The following ZNF710 variants were observed in gnomAD, a reference collection of about 807,000 sequenced individuals.
The protein encoded by ZNF710 is zinc finger protein 710.
In ZNF710, 13 loss-of-function variants were observed where a neutral mutation model predicts 50.6. The ratio of observed to expected loss-of-function variants is 0.26; its 90% CI spans 0.17 to 0.41. The LOEUF is 0.41. Ranked by LOEUF, ZNF710 falls within the 10% of genes least tolerant of loss-of-function variation. The pLI, the probability that ZNF710 is intolerant of heterozygous loss-of-function variation, is 1.00. For synonymous variants in ZNF710, 383 were observed against 397.0 expected (o/e 0.96, Z 0.42); for missense variants, 721 against 936.6 (o/e 0.77, Z 3.01).
At chr15:90,074,566 T>C (rs1242596070) in intron 4 of ZNF710, 11 of 1,351,906 alleles carry the variant, frequency 8.1e-6, no homozygotes, top group South Asian at 5.1e-5. Context: ...CAGGCCTTTA[T>C]TAACTCATGT....
Position 90,059,410 on chromosome 15 carries a change from C to T in ZNF710, c.-28-7700C>T, listed in dbSNP as rs567346345. On this transcript the variant is annotated intron_variant, in intron 1 of 4. Transcript: ENST00000268154. This position sits in a 1 kb window ranked among gnomAD's most constrained non-coding sequence, Gnocchi z 4.1. ...GCTCCCCCACCGTCTCACTGTGTGA[C>T]CTTGGACCATTCCCTTCCCCTCCCT... Among the ~76,000 whole-genome samples, 2 of 152,370 alleles carry T rather than the reference C, an allele frequency of 1.3e-5. No homozygotes were observed. The highest frequency in any genetic ancestry group is 4.1e-4 in the South Asian group (2 of 4,832).
At chr15:90,013,862 G>T (rs911697775) in intron 1 of ZNF710, among the ~76,000 whole-genome samples, 1 of 151,992 alleles carries the variant, frequency 6.6e-6, no homozygotes, top group Admixed American at 6.6e-5. Flanking sequence ...CATTCACAGC[G>T]TTCACAGGCC....
At chr15:90,066,667 A>C (rs1900179757) in intron 1 of ZNF710, among the ~76,000 whole-genome samples, 1 of 151,682 alleles carries the variant, frequency 6.6e-6, no homozygotes, top group Admixed American at 6.6e-5. Context: ...TAGAGACAGG[A>C]TTTCACCATG....
In ZNF710 at chr15:90,067,435, C is replaced by T. The variant is rs763535727; in HGVS notation, c.298C>T (p.Arg100Trp). ...TGAGAAGCACACCCGGCGGAAGACG[C>T]GGCCACCTGTGCGGTTGGTGCCCAA... ...ACEKHTRRKT[R>W]PPVRLVPKVK... is the part of the protein sequence containing the mutation. Residue 100 changes from arginine (R) to tryptophan (W), a missense_variant, in exon 2 of 5, where the codon CGG becomes TGG. Transcript: ENST00000268154. The surrounding 1 kb of genome is among the most constrained non-coding windows in gnomAD (Gnocchi z 8.1). The T allele has an allele frequency of 1.9e-6, 3 of 1,607,498 alleles. No homozygotes were observed. Among genetic ancestry groups the T allele is most frequent in the Non-Finnish European group, 2.5e-6 (3 of 1,176,766 alleles).
chr15:90,045,804 G>A (rs923564466), intron 1 of ZNF710, among the ~76,000 whole-genome samples: 1 of 152,178 alleles, frequency 6.6e-6, no homozygotes, highest in Non-Finnish European at 1.5e-5. Context: ...GCAGCGGGCT[G>A]TGGTGCATGA....
chr15:90,064,031 C>T (rs1167727767), intron 1 of ZNF710, among the ~76,000 whole-genome samples: 1 of 152,240 alleles, frequency 6.6e-6, no homozygotes, highest in African/African-American at 2.4e-5. Flanking sequence ...GAAGCACTGG[C>T]TTGGCCATTG....
chr15:90,068,222 A>C lies in ZNF710; in HGVS notation c.1085A>C (p.Gln362Pro), dbSNP rs1900254738. The C allele has an allele frequency of 6.2e-7, 1 of 1,613,614 alleles. No individual in the cohort carries two copies. Residue 362 changes from glutamine (Q) to proline (P), a missense_variant, in exon 2 of 5, where the codon CAG becomes CCG. Around this residue, in one of 3 missense-constraint regions of ZNF710, gnomAD observed 326 missense variants for 522.0 expected, o/e 0.62. Coordinates refer to ENST00000268154, the MANE Select transcript of ZNF710 (RefSeq NM_198526.4). The surrounding 1 kb of genome is among the most constrained non-coding windows in gnomAD (Gnocchi z 5.0). ...KCQVCHKAFT[Q>P]TSHLKRHMLL... is the part of the protein sequence containing the mutation. ...CAGGTATGCCACAAGGCCTTCACGC[A>C]GACCAGCCACCTCAAGCGCCACATG...
intron 1 of ZNF710, among the ~76,000 whole-genome samples, chr15:90,035,802 C>T (rs1251333244): frequency 6.6e-6 from 1 of 152,358 alleles, no homozygotes. Context: ...ACATAATTTT[C>T]AGGACCAGGT....
chr15:90,044,454 A>G (rs977512249), intron 1 of ZNF710, among the ~76,000 whole-genome samples: 1 of 152,162 alleles, frequency 6.6e-6, no homozygotes, highest in Non-Finnish European at 1.5e-5. Context: ...GGTCCACACG[A>G]CACAAGCTGG....
At chr15:90,078,211 CAAAA>C (rs35832666) in intron 4 of ZNF710, among the ~76,000 whole-genome samples, 4 of 116,268 alleles carry the variant, frequency 3.4e-5, no homozygotes, top group Admixed American at 1.8e-4. Context: ...AACTCGGTCT[CAAAA>C]AAAAAAAAAA....
At chr15:90,075,599 C>G (rs912349359) in intron 4 of ZNF710, 2 of 152,194 alleles carry the variant, frequency 1.3e-5, no homozygotes, top group African/African-American at 4.8e-5. Flanking sequence ...ACCAGGTGAG[C>G]TGACTTGCCA....
At chr15:90,079,600 G>C in intron 4 of ZNF710, 60 bp from the exon 5 acceptor site, 1 of 1,587,056 alleles carries the variant, frequency 6.3e-7, no homozygotes, top group Non-Finnish European at 8.6e-7. Context: ...TTCCTGCGTG[G>C]GGGTGACTGG....
chr15:90,046,263 G>C (rs574965396), intron 1 of ZNF710, among the ~76,000 whole-genome samples: 1 of 152,180 alleles, frequency 6.6e-6, no homozygotes, highest in Non-Finnish European at 1.5e-5. Flanking sequence ...TTCCTCCTGC[G>C]TACCCAGCTC....
rs759376677 is a variant in ZNF710, at chr15:90,067,317, G to A, written c.180G>A (p.Glu60=). Reference sequence around the variant, plus strand: ...CAGGGGCAGCCATGGGAGAGCCCGAGCCACCAGGCCCCGACGTCTACCAGC... The same window carrying A: ...CAGGGGCAGCCATGGGAGAGCCCGAACCACCAGGCCCCGACGTCTACCAGC... ...ELSGAAMGEP[E]PPGPDVYQLA... is the part of the protein sequence containing the mutation. The change falls in exon 2 of 5, where the codon GAG becomes GAA. Residue 60 remains glutamate (E), a synonymous_variant. Coordinates refer to ENST00000268154, the MANE Select transcript of ZNF710 (RefSeq NM_198526.4). The surrounding 1 kb of genome is among the most constrained non-coding windows in gnomAD (Gnocchi z 8.1). The A allele has an allele frequency of 1.1e-5, 17 of 1,607,918 alleles. No homozygotes were observed. The highest frequency in any genetic ancestry group is 2.2e-5 in the East Asian group (1 of 44,628).
At chr15:90,006,388 G>A (rs1204508831) in intron 1 of ZNF710, among the ~76,000 whole-genome samples, 2 of 152,200 alleles carry the variant, frequency 1.3e-5, no homozygotes, top group African/African-American at 4.8e-5. Flanking sequence ...TTACCTGCCT[G>A]CTCCAGGATG....
chr15:90,072,543 T>C (rs1476406362), intron 2 of ZNF710, among the ~76,000 whole-genome samples: 2 of 152,102 alleles, frequency 1.3e-5, no homozygotes, highest in East Asian at 3.8e-4. Flanking sequence ...TCAATCATAT[T>C]ATCAAAAGGG....
chr15:90,041,892 A>ATTTTTTTTTTTTTTTTTTTTTTTTTT (rs71151548), intron 1 of ZNF710, among the ~76,000 whole-genome samples: 2 of 110,602 alleles, frequency 1.8e-5, no homozygotes, highest in Non-Finnish European at 3.7e-5. Flanking sequence ...TTTGTTTTTG[A>ATTTTTTTTTTTTTTTTTTTTTTTTTT]TTTTTTTTTT....
intron 1 of ZNF710, among the ~76,000 whole-genome samples, chr15:90,047,874 A>G (rs1899518483): frequency 6.6e-6 from 1 of 152,212 alleles, no homozygotes; most frequent in South Asian, 2.1e-4. Flanking sequence ...GGCATGAGCC[A>G]CTGCACCCAG....
chr15:90,004,049 G>C (rs1898079628), intron 1 of ZNF710, among the ~76,000 whole-genome samples: 1 of 152,130 alleles, frequency 6.6e-6, no homozygotes, highest in Non-Finnish European at 1.5e-5. Flanking sequence ...GCTGATACCT[G>C]GGTGAGTCCT....
Sources: allele counts gnomAD v4.1 joint callset (sites outside exome capture counted in the v4.1 genomes callset), GRCh38; gene constraint gnomAD v4.1.1; regional missense constraint gnomAD v4.1.1; non-coding constraint Gnocchi (gnomAD v3.1); transcripts MANE v1.5; gene names NCBI Gene and HGNC (gene_info 2026-07-23, HGNC 2026-07-21).